Variants in FKBP5 observed in about 807,000 individuals in gnomAD.
FKBP5 encodes FKBP prolyl isomerase 5, also known as peptidyl-prolyl cis-trans isomerase FKBP5.
In FKBP5, 23 loss-of-function variants were observed where a neutral mutation model predicts 50.5. The ratio of observed to expected loss-of-function variants is 0.46; its 90% CI spans 0.33 to 0.65. The LOEUF (loss-of-function observed/expected upper bound fraction) is 0.65, where lower values mean the gene tolerates loss of function less well. Ranked by LOEUF, FKBP5 falls within the 30% of genes least tolerant of loss-of-function variation. FKBP5 has a pLI of 0.02. For missense variants in FKBP5, 411 were observed against 553.1 expected (o/e 0.74, Z 2.58); for synonymous variants, 176 against 190.6 (o/e 0.92, Z 0.63).
chr6:35,626,453 C>T (rs1764000884), intron 3 of FKBP5, among the ~76,000 whole-genome samples: 3 of 152,196 alleles, frequency 2.0e-5, no homozygotes, highest in Non-Finnish European at 4.4e-5. Context: ...ATTCTGACTA[C>T]ATAATGTTTT....
At chr6:35,672,492 T>C (rs1339845419) in intron 1 of FKBP5, among the ~76,000 whole-genome samples, 6 of 149,470 alleles carry the variant, frequency 4.0e-5, no homozygotes, top group Admixed American at 6.7e-5. Context: ...TTTAAAGAAA[T>C]AATGTGGCAG....
Position 35,598,284 on chromosome 6 carries a change from G to A in FKBP5, c.509-880C>T, listed in dbSNP as rs143113290. 7.4e-3 allele frequency among the ~76,000 whole-genome samples: 1,129 copies of A among 152,270 alleles called. 11 individuals are homozygous for A. Among genetic ancestry groups the A allele is most frequent in the African/African-American group, 0.023 (954 of 41,544 alleles). ...CTCACCCAGGCTGGAGTGCAGTGGC[G>A]TGATATCTGCTCACTGCAGCCTCCA... On this transcript the variant is annotated intron_variant, in intron 5 of 10. Transcript: ENST00000357266.
At chr6:35,723,684 T>G (rs1414149197) in intron 1 of FKBP5, among the ~76,000 whole-genome samples, 2 of 152,138 alleles carry the variant, frequency 1.3e-5, no homozygotes, top group Admixed American at 1.3e-4. Flanking sequence ...AATGTGCCCA[T>G]GAGAGCCATA....
chr6:35,666,424 G>T (rs1561884923), intron 1 of FKBP5, among the ~76,000 whole-genome samples: 2 of 36,530 alleles, frequency 5.5e-5, no homozygotes, highest in African/African-American at 1.7e-4. Context: ...AAAAAAGGAG[G>T]GGAGTGGATT....
intron 2 of FKBP5, among the ~76,000 whole-genome samples, chr6:35,638,998 TTCAGG>T (rs72186809): frequency 0.073 from 11,074 of 152,212 alleles, 798 homozygotes; most frequent in African/African-American, 0.2. Context: ...ATGGTATCAC[TTCAGG>T]CTTCCCTAGC....
chr6:35,642,643 G>A (rs1298608817), intron 2 of FKBP5, 77 bp downstream of exon 2: 2 of 1,093,446 alleles, frequency 1.8e-6, no homozygotes, highest in Non-Finnish European at 2.7e-6. Flanking sequence ...ATCCACCCCA[G>A]CCCCCCTCAG....
intron 7 of FKBP5, 92 bp from the exon 8 acceptor site, chr6:35,587,209 T>C: frequency 8.8e-7 from 1 of 1,131,996 alleles, no homozygotes; most frequent in South Asian, 1.3e-5. Context: ...TTCTAGAAGA[T>C]ACTCCAAACT....
In FKBP5 at chr6:35,652,580, A is replaced by G. The variant is rs140477107; in HGVS notation, c.-19-9737T>C. On this transcript the variant is annotated intron_variant, in intron 1 of 10. Coordinates refer to ENST00000357266, the MANE Select transcript of FKBP5 (RefSeq NM_004117.4). ...TAGCGCTCCCAGGCTTATTAGGAAGAGGAAATTCCCGCCTAATAAACTTTG... is the reference window on the plus strand; with the variant it reads ...TAGCGCTCCCAGGCTTATTAGGAAGGGGAAATTCCCGCCTAATAAACTTTG... Among the ~76,000 whole-genome samples the G allele has an allele frequency of 1.9e-3, 289 of 152,312 alleles. 3 individuals carry two copies. The East Asian group carries it at 0.04, about 21-fold the overall frequency.
rs532512319 is a variant in FKBP5 at position 35,667,710 on chromosome 6, A to G, written c.-20+21094T>C. ...AGCCTGGCCAACATGGTGAAACCCC[A>G]TCTCTATTAAAAATACAAAAATCAG... On this transcript the variant is annotated intron_variant, in intron 1 of 10. Transcript: ENST00000357266. 5.9e-5 allele frequency among the ~76,000 whole-genome samples: 9 copies of G among 152,276 alleles called. No homozygotes were observed. In the South Asian group the frequency reaches 1.9e-3, roughly 32 times the overall value.
At chr6:35,722,267 C>T (rs767129820) in intron 1 of FKBP5, among the ~76,000 whole-genome samples, 5 of 152,128 alleles carry the variant, frequency 3.3e-5, no homozygotes, top group South Asian at 2.1e-4. Flanking sequence ...GACCCATTCA[C>T]GGTGCTCAGA....
At chr6:35,679,498 ATTC>A (rs1187373534) in intron 1 of FKBP5, among the ~76,000 whole-genome samples, 1 of 152,256 alleles carries the variant, frequency 6.6e-6, no homozygotes. Flanking sequence ...GACATCTGTC[ATTC>A]TTCAAAGAAT....
chr6:35,581,577 G>C, intron 8 of FKBP5: 1 of 972,238 alleles, frequency 1.0e-6, no homozygotes, highest in Non-Finnish European at 1.2e-6. Flanking sequence ...GTGACAGAGC[G>C]AGACTCCTCA....
chr6:35,637,189 G>T (rs965178682), intron 2 of FKBP5, 31 bp from the exon 3 acceptor site: 2 of 1,594,918 alleles, frequency 1.3e-6, no homozygotes, highest in Middle Eastern at 1.7e-4. Context: ...GAAAAAGGAG[G>T]TCAAACTTTT....
intron 1 of FKBP5, among the ~76,000 whole-genome samples, chr6:35,654,608 G>GCATT (rs142579358): frequency 0.023 from 3,504 of 152,186 alleles, 89 homozygotes; most frequent in African/African-American, 0.055. Flanking sequence ...TTGACTTTAT[G>GCATT]CATTGCCTTT....
Position 35,587,078 on chromosome 6 carries a change from C to T in FKBP5, c.796G>A (p.Glu266Lys), listed in dbSNP as rs1762623560. The change falls in exon 8 of 11, where the codon GAG (glutamate) becomes AAG (lysine). Residue 266 changes from glutamate to lysine, a missense_variant. This residue lies in a region of FKBP5 where 267 missense variants were observed against 405.9 expected (regional missense o/e 0.66). Transcript: ENST00000357266. The part of the protein sequence containing the change: ...SWEMDTKEKL[E>K]QAAIVKEKGT... ...TTCTCTTTGACAATGGCAGCCTGCT[C>T]CAATTTTTCTTTGGTATCCATCTCC... 6.2e-7 allele frequency: 1 copy of T among 1,614,026 alleles called. No homozygotes were observed. The highest frequency in any genetic ancestry group is 2.2e-5 in the East Asian group (1 of 44,878).
chr6:35,672,129 A>G (rs544200935), intron 1 of FKBP5, among the ~76,000 whole-genome samples: 35 of 152,250 alleles, frequency 2.3e-4, no homozygotes, highest in Non-Finnish European at 2.8e-4. Context: ...CGGCCTCCCA[A>G]AGTGCTGGGA....
At chr6:35,609,430 C>A (rs1763426392) in intron 5 of FKBP5, among the ~76,000 whole-genome samples, 1 of 152,116 alleles carries the variant, frequency 6.6e-6, no homozygotes, top group African/African-American at 2.4e-5. Flanking sequence ...TTCCTTTGTA[C>A]ATAGCTTGTT....
chr6:35,654,118 T>C (rs987050310), intron 1 of FKBP5, among the ~76,000 whole-genome samples: 1 of 152,230 alleles, frequency 6.6e-6, no homozygotes, highest in Non-Finnish European at 1.5e-5. Flanking sequence ...GGCTAATACA[T>C]GTGATACAAA....
At chr6:35,580,361 G>C in intron 8 of FKBP5, 140 bp from the exon 9 acceptor site, 1 of 716,530 alleles carries the variant, frequency 1.4e-6, no homozygotes, top group Non-Finnish European at 2.4e-6. Flanking sequence ...TGGCTCTCCA[G>C]GTACCTTTCC....
Sources: gnomAD v4.1 joint callset for allele counts (sites outside exome capture counted in the v4.1 genomes callset) on GRCh38, gnomAD v4.1.1 for gene constraint, gnomAD v4.1.1 regional missense constraint, MANE v1.5 for transcripts, NCBI Gene and HGNC (gene_info 2026-07-23, HGNC 2026-07-21) for gene names.